TRPM2: variants seen among roughly 807,000 people sequenced by gnomAD.
TRPM2 encodes estrogen-responsive element-associated gene 1 protein.
Under a neutral mutation model 174.0 loss-of-function variants are expected in TRPM2, and 161 were observed. The ratio of observed to expected loss-of-function variants is 0.93; its 90% confidence interval spans 0.81 to 1.05. TRPM2 has a LOEUF of 1.05. Ranked by LOEUF, TRPM2 falls within the 50% of genes least tolerant of loss-of-function variation. TRPM2 has a pLI of 0.00. For missense variants in TRPM2, 2,057 were observed against 2,038.0 expected, an observed-to-expected ratio of 1.01 and a Z score of -0.18; for synonymous variants, 954 against 861.3, an observed-to-expected ratio of 1.11 and a Z score of -1.88.
intron 5 of TRPM2, among the ~76,000 whole-genome samples, chr21:44,373,525 A>C (rs915636649): frequency 6.7e-6 from 1 of 150,282 alleles, no homozygotes; most frequent in East Asian, 2.0e-4. Flanking sequence ...CGAACAGTGA[A>C]TCTCTTTTCA....
Position 44,369,194 on chromosome 21 carries a change from G to C in TRPM2, c.622G>C (p.Gly208Arg), listed in dbSNP as rs770313663. 6.2e-7 allele frequency: 1 copy of C among 1,610,206 alleles called. No homozygotes were observed. Among genetic ancestry groups the C allele is most frequent in the South Asian group, 1.1e-5 (1 of 90,496 alleles). ...TTCCCCAGGGGCCTGGATCATCACA[G>C]GGGGGTCCCACACCGGCGTCATGAA... ...AQTTGAWIIT[G>R]GSHTGVMKQV... Residue 208 changes from glycine (G) to arginine (R), a missense_variant, in exon 5 of 32, where the codon GGG (glycine) becomes CGG (arginine). Gly to Arg is a moderately radical substitution (Grantham distance 125, BLOSUM62 -2). Coordinates refer to ENST00000397928, the MANE Select transcript of TRPM2 (RefSeq NM_003307.4).
At chr21:44,408,071 G>A (rs992341588) in intron 19 of TRPM2, among the ~76,000 whole-genome samples, 3 of 151,668 alleles carry the variant, frequency 2.0e-5, no homozygotes, top group African/African-American at 7.3e-5. Flanking sequence ...TCAGCCTCCC[G>A]AGTAGCTGGG....
chr21:44,404,116 C>G (rs554552226), intron 16 of TRPM2, among the ~76,000 whole-genome samples: 26 of 152,058 alleles, frequency 1.7e-4, no homozygotes, highest in African/African-American at 5.8e-4. Flanking sequence ...CATATGCACA[C>G]ATGAATGAAC....
In TRPM2 at chr21:44,399,347, T is replaced by C. The variant is rs1223383944; in HGVS notation, c.2114T>C (p.Leu705Pro). 5 of 1,612,666 alleles carry C rather than the reference T, an allele frequency of 3.1e-6. No individual in the cohort carries two copies. The highest frequency in any genetic ancestry group is 4.2e-6 in the Non-Finnish European group (5 of 1,179,906). The change falls in exon 14 of 32, where the codon CTC becomes CCC. Residue 705 changes from leucine (L) to proline (P), a missense_variant. By Grantham distance (98) the Leu-to-Pro change is moderately conservative (BLOSUM62 -3). Transcript: ENST00000397928. The surrounding 1 kb of genome is among the most constrained non-coding windows in gnomAD (Gnocchi z 4.6). ...GACGAAGAGAGAGCCCAGAAACTGC[T>C]CACCCGCGTGTCCGAGGCCTGGGGG... The part of the protein sequence containing the change: ...RKDEERAQKL[L>P]TRVSEAWGKT...
At chr21:44,375,258 G>A (rs1024510721) in intron 5 of TRPM2, among the ~76,000 whole-genome samples, 12 of 152,198 alleles carry the variant, frequency 7.9e-5, no homozygotes, top group African/African-American at 2.7e-4. Flanking sequence ...CTTCAAGGAC[G>A]TTGAGACGTT....
At chr21:44,375,514 C>A (rs962004761) in intron 5 of TRPM2, among the ~76,000 whole-genome samples, 1 of 152,184 alleles carries the variant, frequency 6.6e-6, no homozygotes, top group Non-Finnish European at 1.5e-5. Flanking sequence ...CTCCTCCACT[C>A]CTGGGGGGTC....
chr21:44,394,216 A>G (rs2049268013), intron 11 of TRPM2, among the ~76,000 whole-genome samples: 1 of 151,744 alleles, frequency 6.6e-6, no homozygotes, highest in Non-Finnish European at 1.5e-5. Context: ...TCTTAAGTCC[A>G]GTGCGTTTAT....
At chr21:44,385,871 A>C (rs1487405307) in intron 9 of TRPM2, among the ~76,000 whole-genome samples, 1 of 152,200 alleles carries the variant, frequency 6.6e-6, no homozygotes, top group Admixed American at 6.5e-5. Context: ...TACCATGAGA[A>C]CAGCATAGGG....
intron 27 of TRPM2, among the ~76,000 whole-genome samples, chr21:44,430,025 T>G (rs1180810922): frequency 1.3e-5 from 2 of 152,212 alleles, no homozygotes. Flanking sequence ...ATTGAGATAG[T>G]TATAAGATGT....
At chr21:44,350,798 C>T (rs2122921651), upstream of TRPM2, among the ~76,000 whole-genome samples, 21,533 of 152,056 alleles carry the variant, frequency 0.14, 1,732 homozygotes, top group Non-Finnish European at 0.17. Flanking sequence ...TGCGGTCTGT[C>T]TGCGGGACGC....
intron 20 of TRPM2, chr21:44,416,240 C>G (rs1294442354): frequency 6.6e-6 from 1 of 152,294 alleles, no homozygotes; most frequent in Non-Finnish European, 1.5e-5. Flanking sequence ...TTGTTAGGAA[C>G]CAACCGTTTC....
chr21:44,423,544 G>T, intron 22 of TRPM2, 101 bp from the exon 23 acceptor site: 1 of 942,108 alleles, frequency 1.1e-6, no homozygotes, highest in Non-Finnish European at 1.7e-6. Flanking sequence ...CTGACACAGG[G>T]CCTTGGTGGC....
chr21:44,425,431 ACTGCCG>A (rs2050725950), intron 24 of TRPM2: 3 of 456,062 alleles, frequency 6.6e-6, no homozygotes, highest in Non-Finnish European at 1.2e-5. Context: ...GAGGGCCCTG[ACTGCCG>A]CTGCACAAAG....
chr21:44,367,851 C>T lies in TRPM2; in HGVS notation c.604+917C>T, dbSNP rs1038113324. Among the ~76,000 whole-genome samples, 1 of 152,140 alleles carries T rather than the reference C, an allele frequency of 6.6e-6. No individual in the cohort carries two copies. The highest frequency in any genetic ancestry group is 1.5e-5 in the Non-Finnish European group (1 of 68,046). On this transcript the variant is annotated intron_variant, in intron 4 of 31. Transcript: ENST00000397928. The surrounding 1 kb of genome is among the most constrained non-coding windows in gnomAD (Gnocchi z 4.6). Reference sequence around the variant, plus strand: ...TGCATCTTTTGACCTGTGAGTCCCACAGCCCTGCTTGTAAAATGACCAGAC... The same window carrying T: ...TGCATCTTTTGACCTGTGAGTCCCATAGCCCTGCTTGTAAAATGACCAGAC...
intron 12 of TRPM2, among the ~76,000 whole-genome samples, chr21:44,397,005 T>C (rs905534623): frequency 5.3e-5 from 8 of 149,650 alleles, no homozygotes; most frequent in African/African-American, 2.0e-4. Context: ...GCACCTGGAG[T>C]TGGAGAACAA....
intron 11 of TRPM2, among the ~76,000 whole-genome samples, chr21:44,394,527 G>A (rs1224826169): frequency 6.6e-6 from 1 of 151,690 alleles, no homozygotes; most frequent in Non-Finnish European, 1.5e-5. Flanking sequence ...CACTGCGTTA[G>A]CCAGGATGGT....
At chr21:44,358,865 G>A (rs1169466210) in intron 2 of TRPM2, among the ~76,000 whole-genome samples, 1 of 152,178 alleles carries the variant, frequency 6.6e-6, no homozygotes, top group African/African-American at 2.4e-5. Context: ...GAGTGTCACA[G>A]CTCTTGAAGA....
In TRPM2 at chr21:44,425,781, G is replaced by A; in HGVS notation, c.3749G>A (p.Cys1250Tyr). The A allele has an allele frequency of 1.9e-6, 3 of 1,592,540 alleles. No individual in the cohort carries two copies. Among genetic ancestry groups the A allele is most frequent in the Admixed American group, 1.7e-5 (1 of 59,226 alleles). The change falls in exon 25 of 32, where the codon TGC (cysteine) becomes TAC (tyrosine). Residue 1250 changes from cysteine to tyrosine, a missense_variant. Physicochemically the swap from Cys to Tyr is radical, Grantham distance 194. Coordinates refer to ENST00000397928, the MANE Select transcript of TRPM2 (RefSeq NM_003307.4). ...VNARHLLYPN[C>Y]PVTRFPVPNE... ...GCCCGGCACCTCCTCTACCCCAACTGCCCTGTCACGCGCTTCCCCGTGCCC... is the reference window on the plus strand; with the variant it reads ...GCCCGGCACCTCCTCTACCCCAACTACCCTGTCACGCGCTTCCCCGTGCCC...
At chr21:44,400,999 G>A (rs745403554) in intron 15 of TRPM2, among the ~76,000 whole-genome samples, 6 of 152,134 alleles carry the variant, frequency 3.9e-5, no homozygotes, top group East Asian at 1.9e-4. Flanking sequence ...TCTGCAACCC[G>A]CAGTCCACAC....
Sources: allele counts gnomAD v4.1 joint callset (sites outside exome capture counted in the v4.1 genomes callset), GRCh38; gene constraint gnomAD v4.1.1; non-coding constraint Gnocchi (gnomAD v3.1); transcripts MANE v1.5; gene names NCBI Gene and HGNC (gene_info 2026-07-23, HGNC 2026-07-21).